AAK1: variants seen among roughly 807,000 people sequenced by gnomAD.
The protein encoded by AAK1 is AP2-associated protein kinase 1.
AAK1 carries 37 observed loss-of-function variants against 116.0 expected under a neutral mutation model. The observed-to-expected ratio is 0.32, with a 90% CI of 0.25 to 0.42. The LOEUF (loss-of-function observed/expected upper bound fraction) is 0.42. Ranked by LOEUF, AAK1 falls within the 10% of genes least tolerant of loss-of-function variation. The pLI is 1.00. For synonymous variants in AAK1, 458 were observed against 439.9 expected, an observed-to-expected ratio of 1.04 and a Z score of -0.51; for missense variants, 919 against 1,170.6, an observed-to-expected ratio of 0.79 and a Z score of 3.14.
intron 2 of AAK1, among the ~76,000 whole-genome samples, chr2:69,613,542 C>T (rs1674183680): frequency 6.6e-6 from 1 of 152,118 alleles, no homozygotes; most frequent in Admixed American, 6.5e-5. Flanking sequence ...TAAGTCTTAC[C>T]CCTAGCCTCT....
chr2:69,482,707 T>G lies in AAK1; in HGVS notation c.2467+4A>C. Reference sequence around the variant, plus strand: ...GACTGAAGAAACAGAGATGATGACTTTACCAATTACAGCATCAGAAGTGCT... The same window carrying G: ...GACTGAAGAAACAGAGATGATGACTGTACCAATTACAGCATCAGAAGTGCT... On this transcript the variant is annotated splice_donor_region_variant and intron_variant, in intron 18 of 21. Transcript: ENST00000409085. The G allele has an allele frequency of 1.3e-6, 2 of 1,598,016 alleles. No homozygotes were observed. Among genetic ancestry groups the G allele is most frequent in the Non-Finnish European group, 1.7e-6 (2 of 1,165,446 alleles).
rs1035438862 is a variant in AAK1, at chr2:69,510,248, G to A, written c.1777-788C>T. Among the ~76,000 whole-genome samples the A allele has an allele frequency of 2.0e-5, 3 of 152,116 alleles. No individual in the cohort carries two copies. In the East Asian group the frequency reaches 5.8e-4, roughly 29 times the overall value. On this transcript the variant is annotated intron_variant, in intron 13 of 21. Transcript: ENST00000409085. The stretch of plus-strand genomic sequence containing the variant: ...CAGCGTCTGTTGTTTCCCTCTTTGC[G>A]TCCATGAGTTCTCATCATGTAGCTC...
intron 3 of AAK1, among the ~76,000 whole-genome samples, chr2:69,550,944 T>C (rs1399538118): frequency 6.6e-6 from 1 of 152,144 alleles, no homozygotes; most frequent in Non-Finnish European, 1.5e-5. Flanking sequence ...GTGTAATATA[T>C]TAACATTCAA....
intron 5 of AAK1, among the ~76,000 whole-genome samples, chr2:69,542,266 A>G (rs1188645111): frequency 6.6e-6 from 1 of 152,256 alleles, no homozygotes; most frequent in Non-Finnish European, 1.5e-5. Context: ...TGGGGGGAGT[A>G]TATCAGGAAA....
chr2:69,540,584 A>G lies in AAK1; in HGVS notation c.534+1939T>C, dbSNP rs1432058278. 2.0e-5 allele frequency among the ~76,000 whole-genome samples: 3 copies of G among 152,248 alleles called. No individual in the cohort carries two copies. The East Asian group carries it at 5.8e-4, about 29-fold the overall frequency. On this transcript the variant is annotated intron_variant, in intron 5 of 21. Transcript: ENST00000409085. ...CCACTTCATACCCACTAGGATGGCT[A>G]AAACAAAAAAGGTCAATAACAAGTG... is the stretch of plus-strand genomic sequence containing the variant.
chr2:69,511,348 T>A (rs1384042418), intron 13 of AAK1, among the ~76,000 whole-genome samples: 1 of 152,232 alleles, frequency 6.6e-6, no homozygotes, highest in Non-Finnish European at 1.5e-5. Flanking sequence ...TGTACACATG[T>A]CAGTATTCCA....
At position 69,643,183 on chromosome 2, in the gene AAK1, G is replaced by C; in HGVS notation, c.-143C>G. ...GCCACCCGAATCCGGCCGTGGGGGT[G>C]GGGGCTGAGGGAGGATGCCTATAGG... On this transcript the variant is annotated 5_prime_UTR_variant, in exon 2 of 22. Transcript: ENST00000409085. 1 of 1,433,878 alleles carries C rather than the reference G, an allele frequency of 7.0e-7. No homozygotes were observed. The allele number at this position is 1,433,878 out of a possible 1,614,324, so 88.8% of individuals were successfully genotyped here. A position where few individuals can be genotyped will look rare whatever the true frequency, so the allele number is the denominator to read the frequency against.
rs1460827522 is a variant in AAK1, at chr2:69,542,508, G to A, written c.534+15C>T. Reference sequence around the variant, plus strand: ...ATTGAGTAGAATGCCCGTAATGAAAGAGTGTGGTCTGTACCTTCAGGTCCC... The same window carrying A: ...ATTGAGTAGAATGCCCGTAATGAAAAAGTGTGGTCTGTACCTTCAGGTCCC... On this transcript the variant is annotated intron_variant, in intron 5 of 21. Transcript: ENST00000409085. 1 of 1,613,524 alleles carries A rather than the reference G, an allele frequency of 6.2e-7. No individual in the cohort carries two copies. Among genetic ancestry groups the A allele is most frequent in the South Asian group, 1.1e-5 (1 of 91,008 alleles).
At chr2:69,599,517 G>A (rs1222928607) in intron 2 of AAK1, among the ~76,000 whole-genome samples, 1 of 152,036 alleles carries the variant, frequency 6.6e-6, no homozygotes, top group Non-Finnish European at 1.5e-5. Context: ...GACTTTCTGG[G>A]TCTGTAAATG....
At chr2:69,622,315 C>T (rs527399270) in intron 2 of AAK1, among the ~76,000 whole-genome samples, 3 of 152,326 alleles carry the variant, frequency 2.0e-5, no homozygotes, top group African/African-American at 7.2e-5. Context: ...AGCCTTCCCC[C>T]CTCCCCCGCC....
chr2:69,639,570 G>A (rs570199699), intron 2 of AAK1, among the ~76,000 whole-genome samples: 6 of 152,292 alleles, frequency 3.9e-5, no homozygotes, highest in African/African-American at 9.6e-5. Flanking sequence ...TACCAGGGGA[G>A]GTATGGCAGT....
rs759490431 is a variant in AAK1 at position 69,505,690 on chromosome 2, C to G, written c.2165-17G>C. On this transcript the variant is annotated splice_polypyrimidine_tract_variant and intron_variant, in intron 15 of 21. Coordinates refer to ENST00000409085, the MANE Select transcript of AAK1 (RefSeq NM_014911.5). ...GATGTTTGCCTGGAGAGACAAAACA[C>G]CACTCAGTTCATTCTAGCAGAATCT... is the stretch of plus-strand genomic sequence containing the variant. The G allele has an allele frequency of 2.9e-5, 47 of 1,598,554 alleles. No individual in the cohort carries two copies. The highest frequency in any genetic ancestry group is 3.9e-5 in the Non-Finnish European group (46 of 1,166,824).
At position 69,470,222 on chromosome 2, in the gene AAK1, C is replaced by T; in HGVS notation, c.*5647G>A. ...GGAGTATCAAAGATATGATTCTTGCCAAAAACAGAAAACGAAGACTTGGAG... is the reference window on the plus strand; with the variant it reads ...GGAGTATCAAAGATATGATTCTTGCTAAAAACAGAAAACGAAGACTTGGAG... On this transcript the variant is annotated 3_prime_UTR_variant, in exon 22 of 22. Coordinates refer to ENST00000409085, the MANE Select transcript of AAK1 (RefSeq NM_014911.5). The T allele has an allele frequency of 1.0e-6, 1 of 985,318 alleles. No homozygotes were observed. Among genetic ancestry groups the T allele is most frequent in the Non-Finnish European group, 1.2e-6 (1 of 829,896 alleles). 61.0% of individuals were successfully genotyped at this position (985,318 alleles called of 1,614,324 possible). A position where few individuals can be genotyped will look rare whatever the true frequency, so the allele number is the denominator to read the frequency against.
At chr2:69,534,033 G>A (rs57621371) in intron 5 of AAK1, among the ~76,000 whole-genome samples, 1,574 of 152,132 alleles carry the variant, frequency 0.01, 25 homozygotes, top group Admixed American at 0.014. Context: ...ACAAAACAAC[G>A]CTAATGTTTT....
rs1020666949 is a variant in AAK1 at position 69,467,549 on chromosome 2, A to G, written c.*8320T>C. On this transcript the variant is annotated 3_prime_UTR_variant, in exon 22 of 22. Transcript: ENST00000409085. ...TTGGGGGTAAAGGTATCATTTCATC[A>G]TGGGCTCAGTAAAGAGATACTACTG... 1.1e-4 allele frequency: 110 copies of G among 985,306 alleles called. No individual in the cohort carries two copies. Among genetic ancestry groups the G allele is most frequent in the Non-Finnish European group, 1.2e-4 (103 of 829,930 alleles). The allele number at this position is 985,306 out of a possible 1,614,324, so 61.0% of individuals were successfully genotyped here.
intron 17 of AAK1, among the ~76,000 whole-genome samples, chr2:69,491,991 A>T (rs1212592801): frequency 6.6e-6 from 1 of 152,018 alleles, no homozygotes; most frequent in Non-Finnish European, 1.5e-5. Context: ...CTGTTTGGGG[A>T]GTGTGGGCAA....
intron 18 of AAK1, chr2:69,481,731 G>A (rs982105374): frequency 6.6e-6 from 1 of 152,196 alleles, no homozygotes; most frequent in Non-Finnish European, 1.5e-5. Context: ...CCCCTGCCCT[G>A]GATTCTATTT....
At chr2:69,576,084 T>C (rs970476339) in intron 2 of AAK1, among the ~76,000 whole-genome samples, 1 of 152,140 alleles carries the variant, frequency 6.6e-6, no homozygotes, top group Non-Finnish European at 1.5e-5. Context: ...GAGCGGGGAA[T>C]AGCCTGGTCT....
chr2:69,491,459 C>T (rs750493884), intron 17 of AAK1, among the ~76,000 whole-genome samples: 1 of 152,102 alleles, frequency 6.6e-6, no homozygotes, highest in Non-Finnish European at 1.5e-5. Context: ...TTTTATAGTG[C>T]TTTGAAAAAT....
Sources: gnomAD v4.1 joint callset for allele counts (sites outside exome capture counted in the v4.1 genomes callset) on GRCh38, gnomAD v4.1.1 for gene constraint, MANE v1.5 for transcripts, NCBI Gene and HGNC (gene_info 2026-07-23, HGNC 2026-07-21) for gene names.